KNL1: variants seen among roughly 807,000 people sequenced by gnomAD.
KNL1 encodes the protein kinetochore scaffold 1.
KNL1 carries 66 observed loss-of-function variants against 201.3 expected under a neutral mutation model. The ratio of observed to expected loss-of-function variants is 0.33; its 90% CI spans 0.27 to 0.40. The LOEUF (loss-of-function observed/expected upper bound fraction) is 0.40. Ranked by LOEUF, KNL1 falls within the 10% of genes least tolerant of loss-of-function variation. The probability of loss-of-function intolerance (pLI) is 1.00; values close to 1 mark genes in which losing one functional copy is unlikely to be tolerated. For synonymous variants in KNL1, 895 were observed against 899.2 expected (o/e 1.00, Z 0.08); for missense variants, 2,815 against 2,690.5 (o/e 1.05, Z -1.02).
intron 25 of KNL1, 65 bp downstream of exon 25, chr15:40,659,526 T>C: frequency 6.7e-7 from 1 of 1,495,078 alleles, no homozygotes; most frequent in Non-Finnish European, 9.1e-7. Context: ...GGAGTCTGGC[T>C]CTGTTGCCCA....
chr15:40,640,945 C>G lies in KNL1; in HGVS notation c.5716C>G (p.Leu1906Val), dbSNP rs1338873606. The G allele has an allele frequency of 6.2e-7, 1 of 1,612,934 alleles. No homozygotes were observed. The highest frequency in any genetic ancestry group is 2.2e-5 in the East Asian group (1 of 44,852). The stretch of plus-strand genomic sequence containing the variant: ...AAACACACCACCTACTCCAGAAGAC[C>G]TGATGTTAAGTCAATATGTTTACCG... ...TVNTPPTPED[L>V]MLSQYVYRPK... Residue 1906 changes from leucine to valine, a missense_variant, in exon 14 of 26, where the codon CTG becomes GTG. By Grantham distance (32) the Leu-to-Val change is conservative. This residue lies in a region of KNL1 where 2,464 missense variants were observed against 2,291.7 expected (regional missense o/e 1.08). Coordinates refer to ENST00000399668, the MANE Select transcript of KNL1 (RefSeq NM_144508.5).
Position 40,663,154 on chromosome 15 carries a change from G to A in KNL1, c.*966G>A, listed in dbSNP as rs1595955329. 6.4e-6 allele frequency: 1 copy of A among 157,394 alleles called. No homozygotes were observed. Among genetic ancestry groups the A allele is most frequent in the African/African-American group, 2.4e-5 (1 of 41,498 alleles). The allele number at this position is 157,394 out of a possible 1,614,324, so 9.7% of individuals were successfully genotyped here. On this transcript the variant is annotated 3_prime_UTR_variant, in exon 26 of 26. Coordinates refer to ENST00000399668, the MANE Select transcript of KNL1 (RefSeq NM_144508.5). ...AGCTCACTGCAAGCTCCGCCTCCTGGGTTCACGCCATTCTCCTGCCTCAGC... is the reference window on the plus strand; with the variant it reads ...AGCTCACTGCAAGCTCCGCCTCCTGAGTTCACGCCATTCTCCTGCCTCAGC...
intron 8 of KNL1, among the ~76,000 whole-genome samples, chr15:40,617,042 A>G (rs1441409601): frequency 1.3e-5 from 2 of 152,060 alleles, no homozygotes; most frequent in Non-Finnish European, 2.9e-5. Flanking sequence ...TCCGCCTCCC[A>G]GGTTCAAGCG....
chr15:40,594,805 G>T (rs1048065621), intron 1 of KNL1, among the ~76,000 whole-genome samples: 6 of 152,232 alleles, frequency 3.9e-5, no homozygotes, highest in African/African-American at 1.4e-4. Flanking sequence ...GGCTCTAAAT[G>T]AAGTGACAGC....
At chr15:40,638,277 G>T (rs1893119591) in intron 13 of KNL1, among the ~76,000 whole-genome samples, 1 of 147,528 alleles carries the variant, frequency 6.8e-6, no homozygotes, top group Non-Finnish European at 1.5e-5. Flanking sequence ...GGAAGGAAGG[G>T]AAGGGAAGGA....
intron 3 of KNL1, among the ~76,000 whole-genome samples, chr15:40,605,491 G>A (rs565846980): frequency 3.3e-5 from 5 of 152,282 alleles, no homozygotes; most frequent in African/African-American, 9.6e-5. Context: ...TCGCTCTGTC[G>A]CCCAGGCTGG....
intron 1 of KNL1, among the ~76,000 whole-genome samples, chr15:40,597,624 AGTGTTTTAT>A (rs1891658685): frequency 6.6e-6 from 1 of 152,162 alleles, no homozygotes; most frequent in African/African-American, 2.4e-5. Context: ...TGGCCGTACC[AGTGTTTTAT>A]AAATGAGGCT....
intron 8 of KNL1, among the ~76,000 whole-genome samples, chr15:40,616,649 A>G (rs1186108741): frequency 6.6e-6 from 1 of 152,082 alleles, no homozygotes; most frequent in African/African-American, 2.4e-5. Flanking sequence ...TCAAGTTGTT[A>G]TTATTTTTTC....
At chr15:40,628,716 G>T (rs533552561) in intron 12 of KNL1, 38 bp downstream of exon 12, 1 of 1,365,126 alleles carries the variant, frequency 7.3e-7, no homozygotes, top group East Asian at 2.3e-5. Flanking sequence ...TATTTATAAA[G>T]AAAAGAGGTT....
At chr15:40,609,931 C>T (rs931713114) in intron 5 of KNL1, among the ~76,000 whole-genome samples, 2 of 152,110 alleles carry the variant, frequency 1.3e-5, no homozygotes, top group Admixed American at 6.6e-5. Context: ...TGAGGCTACT[C>T]GGGAGGCTGA....
At chr15:40,645,117 T>G in intron 15 of KNL1, 30 bp downstream of exon 15, 1 of 1,400,156 alleles carries the variant, frequency 7.1e-7, no homozygotes, top group African/African-American at 1.4e-5. Flanking sequence ...TGAATGAGAA[T>G]CAGTGAAGAC....
intron 1 of KNL1, among the ~76,000 whole-genome samples, chr15:40,597,595 G>A (rs1891657432): frequency 6.6e-6 from 1 of 152,112 alleles, no homozygotes; most frequent in African/African-American, 2.4e-5. Context: ...GTAACTTAAT[G>A]TGTCAATAAT....
chr15:40,652,900 G>A (rs1279563203), intron 21 of KNL1, among the ~76,000 whole-genome samples: 1 of 152,162 alleles, frequency 6.6e-6, no homozygotes, highest in Non-Finnish European at 1.5e-5. Flanking sequence ...AGGCCCAGCT[G>A]TTTTGTTGGA....
At chr15:40,599,771 A>T (rs2141693499) in intron 1 of KNL1, among the ~76,000 whole-genome samples, 1 of 143,596 alleles carries the variant, frequency 7.0e-6, no homozygotes, top group Middle Eastern at 3.8e-3. Flanking sequence ...TGATTTTCTG[A>T]TATTAAACCG....
chr15:40,644,866 CA>C (rs1181902948), intron 14 of KNL1, 130 bp from the exon 15 acceptor site: 155 of 536,412 alleles, frequency 2.9e-4, no homozygotes, highest in Non-Finnish European at 4.2e-4. Context: ...AACATCTCAG[CA>C]AAACAGTTGT....
chr15:40,656,743 G>A (rs934871663), intron 22 of KNL1, among the ~76,000 whole-genome samples: 34 of 151,952 alleles, frequency 2.2e-4, no homozygotes, highest in African/African-American at 7.0e-4. Context: ...AAAAGTAGCC[G>A]GGTATGGTGG....
At position 40,623,065 on chromosome 15, in the gene KNL1, T is replaced by C. The variant is rs1892600702; in HGVS notation, c.2801T>C (p.Ile934Thr). Reference protein sequence around the residue: ...LECKTVSPDEITTRPMDKTVV... With the variant: ...LECKTVSPDETTTRPMDKTVV... ...TGTAAAACTGTCTCACCAGATGAAA[T>C]AACTACTAGGCCTATGGACAAAACT... is the stretch of plus-strand genomic sequence containing the variant. Residue 934 changes from isoleucine (I) to threonine (T), a missense_variant, in exon 10 of 26, where the codon ATA becomes ACA. Ile to Thr is a moderately conservative substitution (Grantham distance 89). This residue lies in a region of KNL1 where 2,464 missense variants were observed against 2,291.7 expected (regional missense o/e 1.08). Coordinates refer to ENST00000399668, the MANE Select transcript of KNL1 (RefSeq NM_144508.5). The C allele has an allele frequency of 6.2e-7, 1 of 1,613,892 alleles. No individual in the cohort carries two copies. The highest frequency in any genetic ancestry group is 1.3e-5 in the African/African-American group (1 of 74,996).
At position 40,659,894 on chromosome 15, in the gene KNL1, ATGTGTG is replaced by A. The variant is rs776409302; in HGVS notation, c.6836+461_6836+466del. ...CTCTTGAGTTCATTTTGAAGAATTTATGTGTGTGTGTGTGTGTGTGTGTGTGTGTGT... is the reference window on the plus strand; with the variant it reads ...CTCTTGAGTTCATTTTGAAGAATTTATGTGTGTGTGTGTGTGTGTGTGTGT... On this transcript the variant is annotated intron_variant, in intron 25 of 25. Transcript: ENST00000399668. Among the ~76,000 whole-genome samples the A allele has an allele frequency of 3.1e-4, 45 of 146,974 alleles. No individual in the cohort carries two copies. In the Middle Eastern group the frequency reaches 0.01, roughly 34 times the overall value.
At position 40,624,302 on chromosome 15, in the gene KNL1, C is replaced by G. The variant is rs1273459040; in HGVS notation, c.4038C>G (p.Ala1346=). 6.2e-7 allele frequency: 1 copy of G among 1,613,968 alleles called. No individual in the cohort carries two copies. The highest frequency in any genetic ancestry group is 1.1e-5 in the South Asian group (1 of 91,080). Residue 1346 remains alanine, a synonymous_variant, in exon 10 of 26, where the codon GCC becomes GCG. Coordinates refer to ENST00000399668, the MANE Select transcript of KNL1 (RefSeq NM_144508.5). ...QNDLAYANDF[A]SEYYLESEGQ... is the part of the protein sequence containing the mutation. ...ATCTTGCTTATGCAAATGATTTTGC[C>G]AGTGAATATTACTTGGAATCTGAGG...
Sources: allele counts gnomAD v4.1 joint callset (sites outside exome capture counted in the v4.1 genomes callset), GRCh38; gene constraint gnomAD v4.1.1; regional missense constraint gnomAD v4.1.1; transcripts MANE v1.5; gene names NCBI Gene and HGNC (gene_info 2026-07-23, HGNC 2026-07-21).